The following NMT2 variants were observed in gnomAD, a reference collection of about 807,000 sequenced individuals.
NMT2 encodes the protein N-myristoyltransferase 2, also known as glycylpeptide N-tetradecanoyltransferase 2.
A neutral mutation model predicts 65.4 loss-of-function variants in NMT2; 35 were observed. The ratio of observed to expected loss-of-function variants is 0.54; its 90% CI spans 0.41 to 0.71. The LOEUF is 0.71. Ranked by LOEUF, NMT2 falls within the 30% of genes least tolerant of loss-of-function variation. NMT2 has a pLI of 0.00. For synonymous variants in NMT2, 226 were observed against 231.8 expected, an observed-to-expected ratio of 0.98 and a Z score of 0.23; for missense variants, 489 against 611.3, an observed-to-expected ratio of 0.80 and a Z score of 2.11.
Position 15,141,555 on chromosome 10 carries a change from C to T in NMT2, c.113G>A (p.Ser38Asn). ...NEEETEHAKG[S>N]PGGYLGAKKK... ...TTTGGCTCCCAAATACCCTCCAGGA[C>T]TTCTGCAGGAAATGCAAAGATGGTG... Residue 38 changes from serine (S) to asparagine (N), a missense_variant and splice_region_variant, in exon 2 of 12, where the codon AGT (serine) becomes AAT (asparagine). Physicochemically the swap from Ser to Asn is conservative, Grantham distance 46 (BLOSUM62 1). Transcript: ENST00000378165. The T allele has an allele frequency of 1.2e-6, 2 of 1,607,930 alleles. No homozygotes were observed. The highest frequency in any genetic ancestry group is 1.7e-6 in the Non-Finnish European group (2 of 1,177,348).
At chr10:15,143,240 T>G (rs1846837599) in intron 1 of NMT2, among the ~76,000 whole-genome samples, 1 of 152,200 alleles carries the variant, frequency 6.6e-6, no homozygotes, top group South Asian at 2.1e-4. Context: ...TTACTATGTG[T>G]TCAGCATTAT....
chr10:15,155,088 T>C, intron 1 of NMT2: 2 of 1,406,286 alleles, frequency 1.4e-6, no homozygotes, highest in Non-Finnish European at 2.0e-6. Flanking sequence ...TTTCTCCCTG[T>C]AGACAGACTT....
At position 15,107,957 on chromosome 10, in the gene NMT2, T is replaced by G; in HGVS notation, c.*1238A>C. The G allele has an allele frequency of 1.0e-6, 1 of 985,588 alleles. No individual in the cohort carries two copies. The highest frequency in any genetic ancestry group is 1.2e-6 in the Non-Finnish European group (1 of 829,708). The allele number at this position is 985,588 out of a possible 1,614,324, so 61.1% of individuals were successfully genotyped here. On this transcript the variant is annotated 3_prime_UTR_variant, in exon 12 of 12. Coordinates refer to ENST00000378165, the MANE Select transcript of NMT2 (RefSeq NM_004808.3). ...AGACATTTTCCATTAGCATGACACA[T>G]GACAGTTTTCATGATAAAATCAGCA...
Position 15,107,751 on chromosome 10 carries a change from A to C in NMT2, c.*1444T>G. The C allele has an allele frequency of 1.0e-6, 1 of 983,952 alleles. No homozygotes were observed. The highest frequency in any genetic ancestry group is 1.2e-6 in the Non-Finnish European group (1 of 829,630). The allele number at this position is 983,952 out of a possible 1,614,324, so 61.0% of individuals were successfully genotyped here. On this transcript the variant is annotated 3_prime_UTR_variant, in exon 12 of 12. Coordinates refer to ENST00000378165, the MANE Select transcript of NMT2 (RefSeq NM_004808.3). ...ATTACAGGCGTGAGCCACCACACCC[A>C]GCCAAGGCATCTACTTTGTGGTATC...
chr10:15,127,546 C>CAAAAAAAAAA (rs1239422956), intron 8 of NMT2, among the ~76,000 whole-genome samples: 13 of 51,384 alleles, frequency 2.5e-4, no homozygotes, highest in African/African-American at 4.4e-4. Context: ...GACTCCGTCT[C>CAAAAAAAAAA]AAAAAAAAAA....
chr10:15,112,909 C>T lies in NMT2; in HGVS notation c.1225G>A (p.Val409Met), dbSNP rs1845612102. 1 of 1,614,014 alleles carries T rather than the reference C, an allele frequency of 6.2e-7. No homozygotes were observed. Among genetic ancestry groups the T allele is most frequent in the South Asian group, 1.1e-5 (1 of 91,068 alleles). The change falls in exon 10 of 12, where the codon GTG (valine) becomes ATG (methionine). Residue 409 changes from valine (V) to methionine (M), a missense_variant. Val to Met is a conservative substitution (Grantham distance 21). Transcript: ENST00000378165. ...CTCTTGTGAGCAGGGTGGTGCATCA[C>T]CGTGGAGGGGAGCGTATAGAAGCTC... ...FLSFYTLPST[V>M]MHHPAHKSLK...
intron 2 of NMT2, chr10:15,140,898 G>C: frequency 8.2e-7 from 1 of 1,225,176 alleles, no homozygotes; most frequent in Non-Finnish European, 1.2e-6. Context: ...TAAACTAGGA[G>C]AATGTCAGGA....
intron 8 of NMT2, among the ~76,000 whole-genome samples, chr10:15,123,321 C>T (rs1194173244): frequency 6.6e-6 from 1 of 151,842 alleles, no homozygotes; most frequent in Non-Finnish European, 1.5e-5. Context: ...CTGAGGCAGG[C>T]GGATCACAAG....
intron 9 of NMT2, among the ~76,000 whole-genome samples, chr10:15,114,954 A>G (rs1481448197): frequency 6.6e-6 from 1 of 152,142 alleles, no homozygotes; most frequent in Non-Finnish European, 1.5e-5. Context: ...GTGAGCAGAG[A>G]TTGCACCATT....
At chr10:15,130,379 T>A (rs1846236834) in intron 6 of NMT2, 67 bp from the exon 7 acceptor site, 2 of 1,191,532 alleles carry the variant, frequency 1.7e-6, no homozygotes, top group African/African-American at 1.6e-5. Context: ...CAACACATTT[T>A]AAAAAATAAG....
At chr10:15,154,985 A>C in intron 1 of NMT2, 3 of 1,164,636 alleles carry the variant, frequency 2.6e-6, no homozygotes, top group African/African-American at 3.0e-5. Context: ...TGTTGGGTCC[A>C]GCATTTGCCA....
intron 1 of NMT2, among the ~76,000 whole-genome samples, chr10:15,153,673 C>T (rs1832885732): frequency 6.6e-6 from 1 of 151,628 alleles, no homozygotes; most frequent in Admixed American, 6.6e-5. Flanking sequence ...TTTTTTGAGA[C>T]AGAGTCTCGT....
chr10:15,151,107 G>T (rs1282056974), intron 1 of NMT2, among the ~76,000 whole-genome samples: 3 of 147,278 alleles, frequency 2.0e-5, no homozygotes, highest in Non-Finnish European at 4.4e-5. Context: ...TGCCCAGGCT[G>T]GAGTGCAATG....
At chr10:15,127,233 T>C in intron 8 of NMT2, among the ~76,000 whole-genome samples, 1 of 142,624 alleles carries the variant, frequency 7.0e-6, no homozygotes, top group Non-Finnish European at 1.5e-5. Context: ...AGACTCTGTC[T>C]CAAAAAATAA....
At chr10:15,125,886 C>T (rs542269075) in intron 8 of NMT2, among the ~76,000 whole-genome samples, 1 of 152,108 alleles carries the variant, frequency 6.6e-6, no homozygotes, top group South Asian at 2.1e-4. Flanking sequence ...AGGGTGGCCT[C>T]GATCTCTTGA....
chr10:15,121,528 C>T (rs977314238), intron 8 of NMT2, among the ~76,000 whole-genome samples: 8 of 152,110 alleles, frequency 5.3e-5, no homozygotes, highest in Non-Finnish European at 1.2e-4. Context: ...CCACCACGCC[C>T]GGCTAATTTT....
At chr10:15,149,717 C>CTAT (rs890340293) in intron 1 of NMT2, among the ~76,000 whole-genome samples, 11 of 151,758 alleles carry the variant, frequency 7.2e-5, no homozygotes, top group South Asian at 4.2e-4. Flanking sequence ...GAGGTAAGTG[C>CTAT]TATTATTATT....
At position 15,133,108 on chromosome 10, in the gene NMT2, C is replaced by A. The variant is rs145365545; in HGVS notation, c.547G>T (p.Val183Leu). The change falls in exon 5 of 12, where the codon GTA becomes TTA. Residue 183 changes from valine (V) to leucine (L), a missense_variant. By Grantham distance (32) the Val-to-Leu change is conservative (BLOSUM62 1). Coordinates refer to ENST00000378165, the MANE Select transcript of NMT2 (RefSeq NM_004808.3). The part of the protein sequence containing the change: ...ELYTLLNENY[V>L]EDDDNMFRFD... ...CGGAACATATTGTCATCATCTTCTA[C>A]GTAATTCTCATTTAACAACGTGTAT... The A allele has an allele frequency of 1.9e-6, 3 of 1,614,074 alleles. No individual in the cohort carries two copies. Among genetic ancestry groups the A allele is most frequent in the Middle Eastern group, 1.6e-4 (1 of 6,062 alleles).
intron 2 of NMT2, among the ~76,000 whole-genome samples, chr10:15,137,365 TA>T (rs1846549425): frequency 1.3e-5 from 2 of 152,100 alleles, no homozygotes; most frequent in African/African-American, 4.8e-5. Context: ...TACATTTGTT[TA>T]ACATCAAAAT....
Sources: gnomAD v4.1 joint callset for allele counts (sites outside exome capture counted in the v4.1 genomes callset) on GRCh38, gnomAD v4.1.1 for gene constraint, MANE v1.5 for transcripts, NCBI Gene and HGNC (gene_info 2026-07-23, HGNC 2026-07-21) for gene names.